PIK3CA: variants seen among roughly 807,000 people sequenced by gnomAD.
PIK3CA encodes the protein phosphatidylinositol-4,5-bisphosphate 3-kinase catalytic subunit alpha, also known as phosphatidylinositol 4,5-bisphosphate 3-kinase catalytic subunit alpha isoform.
A neutral mutation model predicts 138.2 loss-of-function variants in PIK3CA; 27 were observed. The ratio of observed to expected loss-of-function variants is 0.20; its 90% confidence interval spans 0.14 to 0.27. The LOEUF (loss-of-function observed/expected upper bound fraction) is 0.27. Ranked by LOEUF, PIK3CA falls within the 10% of genes least tolerant of loss-of-function variation. The pLI, the probability that PIK3CA is intolerant of heterozygous loss-of-function variation, is 1.00. For missense variants in PIK3CA, 544 were observed against 1,277.4 expected, an observed-to-expected ratio of 0.43 and a Z score of 8.75; for synonymous variants, 358 against 413.2, an observed-to-expected ratio of 0.87 and a Z score of 1.62.
At chr3:179,163,265 G>A (rs1174580188) in intron 1 of PIK3CA, among the ~76,000 whole-genome samples, 4 of 152,146 alleles carry the variant, frequency 2.6e-5, no homozygotes, top group Non-Finnish European at 5.9e-5. Flanking sequence ...CTTATGCCTA[G>A]TGTCATTTTA....
chr3:179,212,377 G>A (rs1219247144), intron 9 of PIK3CA, among the ~76,000 whole-genome samples: 3 of 148,170 alleles, frequency 2.0e-5, no homozygotes, highest in Non-Finnish European at 4.5e-5. Flanking sequence ...TTGGGAGGCC[G>A]AGGCGGGTGG....
chr3:179,166,372 C>T lies in PIK3CA; in HGVS notation c.-77+17769C>T, dbSNP rs191057646. Reference sequence around the variant, plus strand: ...CTCACATGTTCATTTAAATTACCCCCTCCATTTTCTACCCATAAAGCTCAC... The same window carrying T: ...CTCACATGTTCATTTAAATTACCCCTTCCATTTTCTACCCATAAAGCTCAC... On this transcript the variant is annotated intron_variant, in intron 1 of 20. Coordinates refer to ENST00000263967, the MANE Select transcript of PIK3CA (RefSeq NM_006218.4). 4.3e-3 allele frequency among the ~76,000 whole-genome samples: 660 copies of T among 152,296 alleles called. 8 individuals carry two copies. The highest frequency in any genetic ancestry group is 0.015 in the African/African-American group (637 of 41,564).
chr3:179,235,941 G>A lies in PIK3CA; in HGVS notation c.*1577G>A, dbSNP rs1183710134. On this transcript the variant is annotated 3_prime_UTR_variant, in exon 21 of 21. Coordinates refer to ENST00000263967, the MANE Select transcript of PIK3CA (RefSeq NM_006218.4). ...TCTGTATTTGAAATGAATGATTAAT[G>A]TCCTAGGAAATTAGCTTTAGCAGAT... The A allele has an allele frequency of 4.8e-6, 1 of 208,950 alleles. No individual in the cohort carries two copies. Among genetic ancestry groups the A allele is most frequent in the East Asian group, 7.2e-5 (1 of 13,850 alleles). 12.9% of individuals were successfully genotyped at this position (208,950 alleles called of 1,614,324 possible).
Position 179,240,043 on chromosome 3 carries a change from C to G in PIK3CA, c.*5679C>G. On this transcript the variant is annotated 3_prime_UTR_variant, in exon 21 of 21. Transcript: ENST00000263967. ...ACTGTCAATGTCTGCTTTTCTTTAACTCTGCAGTCTGTAACATCACGCTGT... is the reference window on the plus strand; with the variant it reads ...ACTGTCAATGTCTGCTTTTCTTTAAGTCTGCAGTCTGTAACATCACGCTGT... The G allele has an allele frequency of 6.5e-7, 1 of 1,547,206 alleles. No individual in the cohort carries two copies. Among genetic ancestry groups the G allele is most frequent in the Non-Finnish European group, 8.7e-7 (1 of 1,144,538 alleles).
intron 5 of PIK3CA, among the ~76,000 whole-genome samples, 186 bp downstream of exon 5, chr3:179,203,975 G>T (rs1022276325): frequency 6.6e-6 from 1 of 152,100 alleles, no homozygotes; most frequent in African/African-American, 2.4e-5. Flanking sequence ...CTATTATACA[G>T]CTCACAGTCC....
chr3:179,207,701 G>A lies in PIK3CA; in HGVS notation c.1146-1894G>A, dbSNP rs527464110. ...CGCCCAGCTAATCTTGGCATTTTTA[G>A]TAGAGATGGGGTTTTGCCACGTTGG... On this transcript the variant is annotated intron_variant, in intron 6 of 20. Transcript: ENST00000263967. 3.9e-5 allele frequency among the ~76,000 whole-genome samples: 6 copies of A among 152,124 alleles called. No homozygotes were observed. The East Asian group carries it at 1.2e-3, about 29-fold the overall frequency.
At position 179,183,355 on chromosome 3, in the gene PIK3CA, C is replaced by T. The variant is rs570835482; in HGVS notation, c.-76-15395C>T. 2.6e-5 allele frequency among the ~76,000 whole-genome samples: 4 copies of T among 152,116 alleles called. No homozygotes were observed. In the South Asian group the frequency reaches 8.3e-4, roughly 32 times the overall value. ...GTATATCATGTCTTTCATCCAATGT[C>T]GTAACATCCCAGATAGACTTGGGGT... On this transcript the variant is annotated intron_variant, in intron 1 of 20. Coordinates refer to ENST00000263967, the MANE Select transcript of PIK3CA (RefSeq NM_006218.4).
intron 1 of PIK3CA, among the ~76,000 whole-genome samples, chr3:179,179,492 CAG>C (rs1045446400): frequency 7.9e-5 from 12 of 152,178 alleles, no homozygotes; most frequent in African/African-American, 2.4e-4. Context: ...TGCCTGGGGG[CAG>C]AGAGAGAAAT....
intron 14 of PIK3CA, among the ~76,000 whole-genome samples, chr3:179,222,654 C>T (rs527307024): frequency 3.0e-4 from 46 of 152,276 alleles, no homozygotes; most frequent in African/African-American, 1.1e-3. Context: ...GGTCGTTTAC[C>T]CTCATGACTG....
At chr3:179,185,062 C>CAG (rs1723942606) in intron 1 of PIK3CA, among the ~76,000 whole-genome samples, 1 of 152,160 alleles carries the variant, frequency 6.6e-6, no homozygotes, top group African/African-American at 2.4e-5. Flanking sequence ...TGTGTAGCAA[C>CAG]TGTTTTCCAA....
At chr3:179,210,050 T>A in intron 7 of PIK3CA, 136 bp from the exon 8 acceptor site, 1 of 645,224 alleles carries the variant, frequency 1.5e-6, no homozygotes, top group Non-Finnish European at 2.5e-6. Context: ...GCTTAAACCT[T>A]GAAAAATCAA....
intron 1 of PIK3CA, among the ~76,000 whole-genome samples, chr3:179,182,626 G>C (rs998759422): frequency 6.6e-6 from 1 of 152,006 alleles, no homozygotes; most frequent in African/African-American, 2.4e-5. Context: ...AGCCGTGTTC[G>C]TAGCACTGTA....
At chr3:179,213,401 T>C (rs887328930) in intron 9 of PIK3CA, among the ~76,000 whole-genome samples, 8 of 152,340 alleles carry the variant, frequency 5.3e-5, no homozygotes, top group Non-Finnish European at 1.0e-4. Context: ...TTTAAAAATA[T>C]TGCTCAAAAA....
chr3:179,209,676 T>A lies in PIK3CA; in HGVS notation c.1227T>A (p.Val409=). The A allele has an allele frequency of 6.2e-7, 1 of 1,610,156 alleles. No homozygotes were observed. Among genetic ancestry groups the A allele is most frequent in the Non-Finnish European group, 8.5e-7 (1 of 1,177,016 alleles). Residue 409 remains valine, a synonymous_variant, in exon 7 of 21, where the codon GTT becomes GTA. Transcript: ENST00000263967. ...AARLCLSICS[V]KGRKGAKEEH... ...GACTTTGCCTTTCCATTTGCTCTGT[T>A]AAAGGCCGAAAGGGTGCTAAAGAGG...
At chr3:179,162,548 A>T (rs1350506571) in intron 1 of PIK3CA, among the ~76,000 whole-genome samples, 1 of 152,112 alleles carries the variant, frequency 6.6e-6, no homozygotes, top group Non-Finnish European at 1.5e-5. Context: ...TTCCTAGGAA[A>T]ACCAAGAGTC....
At chr3:179,210,619 T>A (rs2108401950) in intron 9 of PIK3CA, 54 bp downstream of exon 9, 1 of 1,546,182 alleles carries the variant, frequency 6.5e-7, no homozygotes, top group Non-Finnish European at 8.9e-7. Context: ...TGGATTTAGG[T>A]AGATACTTTC....
intron 6 of PIK3CA, among the ~76,000 whole-genome samples, chr3:179,208,705 T>C (rs549039768): frequency 1.1e-4 from 17 of 152,256 alleles, no homozygotes; most frequent in African/African-American, 3.8e-4. Context: ...GAATTTATCA[T>C]TAAAATTCAA....
At chr3:179,204,678 C>T (rs1724511686) in intron 6 of PIK3CA, 90 bp downstream of exon 6, 1 of 642,244 alleles carries the variant, frequency 1.6e-6, no homozygotes, top group South Asian at 2.1e-5. Flanking sequence ...TTAGACCAGC[C>T]TGGGCAACAA....
chr3:179,209,087 A>T (rs1446559260), intron 6 of PIK3CA, among the ~76,000 whole-genome samples: 1 of 150,194 alleles, frequency 6.7e-6, no homozygotes, highest in Non-Finnish European at 1.5e-5. Flanking sequence ...TGTAGCACAC[A>T]TGCATAAAAG....
Sources: allele counts gnomAD v4.1 joint callset (sites outside exome capture counted in the v4.1 genomes callset), GRCh38; gene constraint gnomAD v4.1.1; transcripts MANE v1.5; gene names NCBI Gene and HGNC (gene_info 2026-07-23, HGNC 2026-07-21).